The following PTPRD variants were observed in gnomAD, a reference collection of about 807,000 sequenced individuals.
PTPRD encodes the protein receptor-type tyrosine-protein phosphatase delta.
Under a neutral mutation model 214.5 loss-of-function variants are expected in PTPRD, and 34 were observed. The observed-to-expected ratio is 0.16, with a 90% CI of 0.12 to 0.21. The LOEUF (loss-of-function observed/expected upper bound fraction) is 0.21. Ranked by LOEUF, PTPRD falls within the 10% of genes least tolerant of loss-of-function variation. PTPRD has a pLI of 1.00. For missense variants in PTPRD, 2,545 were observed against 2,398.7 expected (o/e 1.06, Z -1.27); for synonymous variants, 1,128 against 845.7 (o/e 1.33, Z -5.79).
At chr9:9,544,946 G>A (rs77928808) in intron 8 of PTPRD, among the ~76,000 whole-genome samples, 4,913 of 150,574 alleles carry the variant, frequency 0.033, 250 homozygotes, top group African/African-American at 0.11. Context: ...GGAGGTTTAA[G>A]CTAATCTAAA....
chr9:10,082,736 A>G (rs939885064), intron 3 of PTPRD, among the ~76,000 whole-genome samples: 1 of 150,818 alleles, frequency 6.6e-6, no homozygotes, highest in Non-Finnish European at 1.5e-5. Flanking sequence ...TTATTAAATG[A>G]TGAGAGAGAG....
At chr9:8,515,705 G>A (rs530375079) in intron 21 of PTPRD, among the ~76,000 whole-genome samples, 7 of 152,154 alleles carry the variant, frequency 4.6e-5, no homozygotes, top group Non-Finnish European at 1.0e-4. Flanking sequence ...CCAACCAACA[G>A]AAGTTAGGGC....
chr9:8,807,072 CA>C (rs1256238500), intron 11 of PTPRD, among the ~76,000 whole-genome samples: 2 of 152,272 alleles, frequency 1.3e-5, no homozygotes, highest in East Asian at 3.9e-4. Flanking sequence ...CACAGTGGCT[CA>C]TGCTTGTAAT....
chr9:9,759,555 C>CTTTTTTTTT (rs3050068), intron 6 of PTPRD, among the ~76,000 whole-genome samples: 3 of 117,854 alleles, frequency 2.5e-5, no homozygotes, highest in Admixed American at 9.4e-5. Flanking sequence ...CAAGGTCTGT[C>CTTTTTTTTT]TTTTTTTTTT....
chr9:10,117,887 C>T (rs767788270), intron 3 of PTPRD, among the ~76,000 whole-genome samples: 1 of 151,956 alleles, frequency 6.6e-6, no homozygotes, highest in Non-Finnish European at 1.5e-5. Context: ...GAATTACATG[C>T]TTTATTTTTC....
intron 7 of PTPRD, among the ~76,000 whole-genome samples, chr9:9,686,227 C>A (rs1358082844): frequency 6.6e-6 from 1 of 151,302 alleles, no homozygotes; most frequent in Admixed American, 6.6e-5. Context: ...TGTTGTAATA[C>A]TGTATTCTAC....
rs184441642 is a variant in PTPRD at position 8,314,481 on chromosome 9, A to G, written c.*3393T>C. On this transcript the variant is annotated 3_prime_UTR_variant, in exon 46 of 46. Transcript: ENST00000381196. Reference sequence around the variant, plus strand: ...TAATTTTTCAGTCTATGCATCCAAAACGAGAGCAAAGAACACAACTGTTAT... The same window carrying G: ...TAATTTTTCAGTCTATGCATCCAAAGCGAGAGCAAAGAACACAACTGTTAT... 6.0e-5 allele frequency: 14 copies of G among 231,614 alleles called. No individual in the cohort carries two copies. In the East Asian group the frequency reaches 7.9e-4, roughly 13 times the overall value. 14.3% of individuals were successfully genotyped at this position (231,614 alleles called of 1,614,324 possible).
chr9:9,197,254 T>G (rs1349978461), intron 9 of PTPRD, among the ~76,000 whole-genome samples: 1 of 152,090 alleles, frequency 6.6e-6, no homozygotes, highest in Non-Finnish European at 1.5e-5. Flanking sequence ...CCTATAATAT[T>G]AATAAATCCT....
chr9:9,054,799 C>G (rs747952357), intron 10 of PTPRD, among the ~76,000 whole-genome samples: 4 of 152,074 alleles, frequency 2.6e-5, no homozygotes, highest in Admixed American at 6.6e-5. Context: ...GATCACAGTC[C>G]TGTAGGTCAA....
intron 8 of PTPRD, among the ~76,000 whole-genome samples, chr9:9,553,803 A>G (rs1204057544): frequency 3.3e-5 from 5 of 152,094 alleles, no homozygotes; most frequent in African/African-American, 9.7e-5. Context: ...TCAAAGTTCA[A>G]TAATTACATT....
chr9:8,690,510 C>A (rs181386378), intron 12 of PTPRD, among the ~76,000 whole-genome samples: 177 of 136,666 alleles, frequency 1.3e-3, no homozygotes, highest in South Asian at 2.1e-3. Flanking sequence ...GTCTGGGCGA[C>A]AGAGCAAGAC....
chr9:9,008,533 C>G (rs2099492783), intron 11 of PTPRD, among the ~76,000 whole-genome samples: 3 of 151,950 alleles, frequency 2.0e-5, no homozygotes, highest in Admixed American at 2.0e-4. Context: ...GCCTCCCCTT[C>G]ATTATTTAGT....
intron 9 of PTPRD, among the ~76,000 whole-genome samples, chr9:9,316,808 C>T (rs1045407800): frequency 1.3e-5 from 2 of 152,080 alleles, no homozygotes; most frequent in Non-Finnish European, 2.9e-5. Flanking sequence ...TAAATAATTT[C>T]CCCTGGGACT....
chr9:8,994,829 G>C (rs1310324483), intron 11 of PTPRD, among the ~76,000 whole-genome samples: 1 of 151,998 alleles, frequency 6.6e-6, no homozygotes, highest in Non-Finnish European at 1.5e-5. Context: ...AAAGAATTTG[G>C]ATTTCATCTT....
At chr9:9,240,969 T>C (rs1410560151) in intron 9 of PTPRD, among the ~76,000 whole-genome samples, 8 of 152,114 alleles carry the variant, frequency 5.3e-5, no homozygotes, top group Non-Finnish European at 1.2e-4. Flanking sequence ...ATAGAAAGGA[T>C]AGAAAGAACT....
chr9:8,401,503 A>G (rs1051852519), intron 36 of PTPRD, among the ~76,000 whole-genome samples: 1 of 152,200 alleles, frequency 6.6e-6, no homozygotes, highest in African/African-American at 2.4e-5. Flanking sequence ...TAATTAAACA[A>G]TTGAAACCAT....
In PTPRD at chr9:9,896,655, A is replaced by G. The variant is rs115028395; in HGVS notation, c.-368+41852T>C. ...ATCCGAGGAATTCATATTTAAGAGG[A>G]TCAGTCTAAGAAGCTAACTGACTCA... On this transcript the variant is annotated intron_variant, in intron 5 of 45. Coordinates refer to ENST00000381196, the MANE Select transcript of PTPRD (RefSeq NM_002839.4). 8.0e-3 allele frequency among the ~76,000 whole-genome samples: 1,210 copies of G among 152,172 alleles called. 15 individuals are homozygous for G. Among genetic ancestry groups the G allele is most frequent in the African/African-American group, 0.028 (1,152 of 41,550 alleles).
chr9:10,038,557 T>C (rs1401510789), intron 3 of PTPRD, among the ~76,000 whole-genome samples: 3 of 152,166 alleles, frequency 2.0e-5, no homozygotes, highest in Non-Finnish European at 4.4e-5. Flanking sequence ...GAGATACTAA[T>C]ATTATCACCA....
At chr9:9,973,985 T>C (rs2095256201) in intron 4 of PTPRD, among the ~76,000 whole-genome samples, 1 of 152,192 alleles carries the variant, frequency 6.6e-6, no homozygotes, top group Non-Finnish European at 1.5e-5. Context: ...ATTCTGATGG[T>C]TCTGTAAATA....
Sources: allele counts gnomAD v4.1 joint callset (sites outside exome capture counted in the v4.1 genomes callset), GRCh38; gene constraint gnomAD v4.1.1; transcripts MANE v1.5; gene names NCBI Gene and HGNC (gene_info 2026-07-23, HGNC 2026-07-21).